Variants in VPS37A observed in about 807,000 individuals in gnomAD.
The protein encoded by VPS37A is VPS37A subunit of ESCRT-I, also known as vacuolar protein sorting-associated protein 37A.
In VPS37A, 30 loss-of-function variants were observed where a neutral mutation model predicts 49.8. The ratio of observed to expected loss-of-function variants is 0.60; its 90% CI spans 0.45 to 0.82. VPS37A has a LOEUF of 0.82. VPS37A is among the 40% of genes least tolerant of loss of function. VPS37A has a pLI of 0.00. For synonymous variants in VPS37A, 195 were observed against 160.6 expected, an observed-to-expected ratio of 1.21 and a Z score of -1.62; for missense variants, 593 against 464.4, an observed-to-expected ratio of 1.28 and a Z score of -2.55.
At chr8:17,267,343 A>T (rs1813565307) in intron 2 of VPS37A, among the ~76,000 whole-genome samples, 1 of 152,200 alleles carries the variant, frequency 6.6e-6, no homozygotes, top group African/African-American at 2.4e-5. Context: ...GACAATTCAA[A>T]GTAAAATATT....
At chr8:17,277,918 G>C (rs1814681079) in intron 6 of VPS37A, among the ~76,000 whole-genome samples, 1 of 149,410 alleles carries the variant, frequency 6.7e-6, no homozygotes, top group African/African-American at 2.5e-5. Flanking sequence ...ATACATATGT[G>C]TATTTACATA....
At chr8:17,302,277 A>T, downstream of VPS37A, 6 of 1,612,692 alleles carry the variant, frequency 3.7e-6, no homozygotes, top group Non-Finnish European at 5.1e-6. Flanking sequence ...TTCCACTCCA[A>T]AACCTGGAAA....
chr8:17,287,106 G>A (rs140670567), intron 11 of VPS37A, among the ~76,000 whole-genome samples: 2 of 152,226 alleles, frequency 1.3e-5, no homozygotes, highest in East Asian at 3.9e-4. Flanking sequence ...ATCTTTGGCC[G>A]TGCTTGTACC....
chr8:17,302,756 A>G (rs1227936238), downstream of VPS37A, among the ~76,000 whole-genome samples: 2 of 112,364 alleles, frequency 1.8e-5, no homozygotes, highest in Non-Finnish European at 3.3e-5. Context: ...CTTGTCACCC[A>G]AACCGAAGTG....
chr8:17,302,358 CTATG>C, downstream of VPS37A: 8 of 1,462,356 alleles, frequency 5.5e-6, no homozygotes, highest in Non-Finnish European at 6.4e-6. Context: ...TCTAAGGTAT[CTATG>C]ATACCACAGT....
intron 1 of VPS37A, among the ~76,000 whole-genome samples, chr8:17,260,708 A>G (rs1361928951): frequency 1.3e-5 from 2 of 152,194 alleles, no homozygotes; most frequent in African/African-American, 4.8e-5. Context: ...TATTTGAAAG[A>G]TAACTTTGCT....
chr8:17,264,987 A>C (rs949994473), intron 1 of VPS37A, among the ~76,000 whole-genome samples: 9 of 152,214 alleles, frequency 5.9e-5, no homozygotes, highest in Non-Finnish European at 2.9e-5. Flanking sequence ...GAATTATATT[A>C]CCTGCCAATA....
chr8:17,270,932 A>T (rs2150382293), intron 4 of VPS37A, among the ~76,000 whole-genome samples: 1 of 152,316 alleles, frequency 6.6e-6, no homozygotes, highest in South Asian at 2.1e-4. Flanking sequence ...CAACGGAATT[A>T]AAGAGACAAG....
At chr8:17,264,110 G>T (rs1813222046) in intron 1 of VPS37A, among the ~76,000 whole-genome samples, 1 of 151,970 alleles carries the variant, frequency 6.6e-6, no homozygotes, top group South Asian at 2.1e-4. Context: ...CTTTTAGGTG[G>T]GTAGATTTTT....
At chr8:17,270,195 G>A (rs1215307583) in intron 4 of VPS37A, among the ~76,000 whole-genome samples, 2 of 151,854 alleles carry the variant, frequency 1.3e-5, no homozygotes, top group Admixed American at 6.6e-5. Flanking sequence ...CCAACATTGG[G>A]GATTGCAATT....
intron 6 of VPS37A, among the ~76,000 whole-genome samples, chr8:17,279,460 C>T (rs1452477369): frequency 6.6e-6 from 1 of 152,080 alleles, no homozygotes; most frequent in Non-Finnish European, 1.5e-5. Context: ...TCTGAATTTA[C>T]TATAGTACTA....
At chr8:17,274,378 G>C (rs1038393628) in intron 4 of VPS37A, among the ~76,000 whole-genome samples, 8 of 152,114 alleles carry the variant, frequency 5.3e-5, no homozygotes, top group Non-Finnish European at 8.8e-5. Flanking sequence ...ATTAAATATT[G>C]CTCTGCATTC....
At position 17,280,149 on chromosome 8, in the gene VPS37A, C is replaced by A; in HGVS notation, c.835C>A (p.Leu279Ile). 6.2e-7 allele frequency: 1 copy of A among 1,612,142 alleles called. No homozygotes were observed. The highest frequency in any genetic ancestry group is 8.5e-7 in the Non-Finnish European group (1 of 1,179,106). ...TGACTTAGTAAAAAGTATTGAGGAA[C>A]TAGCAAGTATGTTTTCCCTCTCCTG... ...KDDLVKSIEELARKNLLLEPS... is the reference protein window; with the variant it reads ...KDDLVKSIEEIARKNLLLEPS... Residue 279 changes from leucine to isoleucine, a missense_variant, in exon 7 of 12, where the codon CTA becomes ATA. Transcript: ENST00000324849.
chr8:17,261,620 T>G (rs1477153536), intron 1 of VPS37A, among the ~76,000 whole-genome samples: 1 of 152,212 alleles, frequency 6.6e-6, no homozygotes, highest in South Asian at 2.1e-4. Context: ...ATGTATTTGC[T>G]TAAAGACTCT....
chr8:17,305,889 CA>C, downstream of VPS37A: 1 of 1,613,706 alleles, frequency 6.2e-7, no homozygotes, highest in Non-Finnish European at 8.5e-7. Flanking sequence ...CATTAACTGC[CA>C]AACACACTCA....
At chr8:17,270,203 A>T (rs2410533) in intron 4 of VPS37A, among the ~76,000 whole-genome samples, 31,398 of 152,028 alleles carry the variant, frequency 0.21, 3,764 homozygotes, top group East Asian at 0.32. Flanking sequence ...GGGGATTGCA[A>T]TTCAGTATGA....
chr8:17,278,423 G>A (rs1586025494), intron 6 of VPS37A, among the ~76,000 whole-genome samples: 1 of 151,976 alleles, frequency 6.6e-6, no homozygotes, highest in Admixed American at 6.6e-5. Context: ...ACTTCATACA[G>A]GACCAAGAAA....
chr8:17,331,251 TTCCCTGCAGCACGA>T, the VPS37A span: 1 of 1,611,116 alleles, frequency 6.2e-7, no homozygotes, highest in South Asian at 1.1e-5. Flanking sequence ...CTCATAGCCT[TTCCCTGCAGCACGA>T]TTTGCCATTG....
intron 1 of VPS37A, chr8:17,248,258 C>CA (rs753918527): frequency 7.8e-6 from 3 of 386,108 alleles, no homozygotes; most frequent in Admixed American, 2.9e-5. Flanking sequence ...AAGTCCCTAA[C>CA]CCCTTTTTTT....
Sources: allele counts gnomAD v4.1 joint callset (sites outside exome capture counted in the v4.1 genomes callset), GRCh38; gene constraint gnomAD v4.1.1; transcripts MANE v1.5; gene names NCBI Gene and HGNC (gene_info 2026-07-23, HGNC 2026-07-21).